HMCN2: variants seen among roughly 807,000 people sequenced by gnomAD.
The protein encoded by HMCN2 is hemicentin 2, also known as hemicentin-2.
Under a neutral mutation model 377.5 loss-of-function variants are expected in HMCN2, and 325 were observed. That is an observed-to-expected ratio of 0.86 (90% CI 0.79 to 0.94). The LOEUF (loss-of-function observed/expected upper bound fraction) is 0.94. HMCN2 is among the 40% of genes least tolerant of loss of function. The pLI is 0.00. For synonymous variants in HMCN2, 2,007 were observed against 2,046.8 expected (o/e 0.98, Z 0.53); for missense variants, 4,543 against 4,725.3 (o/e 0.96, Z 1.13).
chr9:130,388,667 G>T (rs560103733), intron 62 of HMCN2, 127 bp downstream of exon 62: 6 of 464,978 alleles, frequency 1.3e-5, no homozygotes, highest in African/African-American at 2.6e-5. Flanking sequence ...TGGCAGTGCC[G>T]TGTTGCCCCC....
Position 130,356,253 on chromosome 9 carries a change from G to C in HMCN2, c.5421G>C (p.Val1807=), listed in dbSNP as rs1028536587. Residue 1807 remains valine (V), a synonymous_variant, in exon 34 of 98, where the codon GTG becomes GTC. Transcript: ENST00000683500. ...GTAGAEVEVS[V]HEFPSVSIIG... ...CCGGGGCCGAGGTGGAGGTGTCTGT[G>C]CATGGTGAGTGGGCGCCTGGGGTTC... is the stretch of plus-strand genomic sequence containing the variant. 7 of 1,295,672 alleles carry C rather than the reference G, an allele frequency of 5.4e-6. No individual in the cohort carries two copies. In the Admixed American group the frequency reaches 9.4e-5, roughly 17 times the overall value. The allele number at this position is 1,295,672 out of a possible 1,614,324, so 80.3% of individuals were successfully genotyped here.
At position 130,266,123 on chromosome 9, in the gene HMCN2, C is replaced by T. The variant is rs2131191952; in HGVS notation, c.245C>T (p.Pro82Leu). 1 of 467,332 alleles carries T rather than the reference C, an allele frequency of 2.1e-6. No homozygotes were observed. Among genetic ancestry groups the T allele is most frequent in the African/African-American group, 2.0e-5 (1 of 50,148 alleles). The allele number at this position is 467,332 out of a possible 1,614,324, so 28.9% of individuals were successfully genotyped here. ...GCCATCGCCAACTACGCGCTGGTGC[C>T]CTTCCACGACCCAGGTAGCGCCCCC... ...SQAIANYALV[P>L]FHDPDIGPVT... The change falls in exon 1 of 98, where the codon CCC becomes CTC. Residue 82 changes from proline to leucine, a missense_variant. Physicochemically the swap from Pro to Leu is moderately conservative, Grantham distance 98. Transcript: ENST00000683500.
intron 53 of HMCN2, 132 bp from the exon 54 acceptor site, chr9:130,379,117 G>A (rs1841559980): frequency 5.7e-6 from 1 of 176,392 alleles, no homozygotes; most frequent in Non-Finnish European, 1.1e-5. Flanking sequence ...TTTAACAAAT[G>A]CCCTGACCCA....
intron 22 of HMCN2, among the ~76,000 whole-genome samples, chr9:130,336,480 A>T (rs1838752798): frequency 1.3e-5 from 2 of 152,178 alleles, no homozygotes; most frequent in African/African-American, 4.8e-5. Context: ...AGCACAACTG[A>T]TGGCTCTATT....
chr9:130,341,519 G>A (rs1280432663), intron 24 of HMCN2, among the ~76,000 whole-genome samples, 154 bp downstream of exon 24: 2 of 152,192 alleles, frequency 1.3e-5, no homozygotes, highest in Non-Finnish European at 2.9e-5. Flanking sequence ...GGACCTTCCA[G>A]CCCCACAGCT....
chr9:130,424,632 G>A (rs1290630383), intron 87 of HMCN2, 144 bp from the exon 88 acceptor site: 1 of 727,100 alleles, frequency 1.4e-6, no homozygotes, highest in African/African-American at 1.8e-5. Context: ...TAATTGGCAT[G>A]GCAGTCACAA....
intron 14 of HMCN2, 35 bp from the exon 15 acceptor site, chr9:130,309,877 G>T: frequency 2.3e-6 from 1 of 441,462 alleles, no homozygotes; most frequent in South Asian, 1.7e-5. Context: ...TGGTACCAGG[G>T]ACACCGGCCT....
At chr9:130,298,127 T>C (rs1475420178) in intron 7 of HMCN2, among the ~76,000 whole-genome samples, 1 of 152,202 alleles carries the variant, frequency 6.6e-6, no homozygotes, top group African/African-American at 2.4e-5. Flanking sequence ...CTAATTTTTG[T>C]ATTTTTAGTA....
intron 32 of HMCN2, 67 bp downstream of exon 32, chr9:130,355,111 T>C (rs1483991776): frequency 5.1e-6 from 6 of 1,184,012 alleles, no homozygotes; most frequent in Non-Finnish European, 5.4e-6. Context: ...TGCTGCGTGC[T>C]TGTCCCGAGA....
chr9:130,374,477 G>T, intron 48 of HMCN2, 25 bp from the exon 49 acceptor site: 1 of 984,958 alleles, frequency 1.0e-6, no homozygotes, highest in Non-Finnish European at 1.2e-6. Flanking sequence ...CTGCCAAATT[G>T]TCTCATTCTC....
chr9:130,433,678 C>A lies in HMCN2; in HGVS notation c.15225C>A (p.Ser5075=). The change falls in exon 98 of 98, where the codon TCC becomes TCA. Residue 5075 remains serine (S), a synonymous_variant. Transcript: ENST00000683500. ...TCTTCGTCTTGCTCATCGCCGTGTC[C>A]CCCTACCCCTACTAAACGGGAGAGG... is the stretch of plus-strand genomic sequence containing the variant. The part of the protein sequence containing the change: ...QSVFVLLIAV[S]PYPY The A allele has an allele frequency of 6.7e-7, 1 of 1,489,984 alleles. No homozygotes were observed. Among genetic ancestry groups the A allele is most frequent in the Non-Finnish European group, 8.9e-7 (1 of 1,123,734 alleles). The allele number at this position is 1,489,984 out of a possible 1,614,324, so 92.3% of individuals were successfully genotyped here.
chr9:130,418,639 G>A, intron 85 of HMCN2, 133 bp from the exon 86 acceptor site: 1 of 667,720 alleles, frequency 1.5e-6, no homozygotes, highest in Non-Finnish European at 2.2e-6. Context: ...ATGACTGGGT[G>A]GAAGGATCCT....
intron 77 of HMCN2, among the ~76,000 whole-genome samples, chr9:130,401,801 C>T (rs1042658807): frequency 6.6e-6 from 1 of 152,146 alleles, no homozygotes; most frequent in Non-Finnish European, 1.5e-5. Context: ...AGGCCAGGCG[C>T]AGGGACTCAC....
At position 130,394,956 on chromosome 9, in the gene HMCN2, G is replaced by T; in HGVS notation, c.10693-71G>T. 3 of 1,058,592 alleles carry T rather than the reference G, an allele frequency of 2.8e-6. No individual in the cohort carries two copies. Among genetic ancestry groups the T allele is most frequent in the Non-Finnish European group, 3.8e-6 (3 of 799,328 alleles). The allele number at this position is 1,058,592 out of a possible 1,614,324, so 65.6% of individuals were successfully genotyped here. A position where few individuals can be genotyped will look rare whatever the true frequency, so the allele number is the denominator to read the frequency against. On this transcript the variant is annotated intron_variant, in intron 69 of 97. Transcript: ENST00000683500. The surrounding 1 kb of genome is among the most constrained non-coding windows in gnomAD (Gnocchi z 5.1). ...TTGAATCCTGGGTCCCTCGATGCAT[G>T]AGAAAGAAACCAGATTGGGAGGCGG...
intron 81 of HMCN2, 49 bp downstream of exon 81, chr9:130,405,108 C>T (rs1289752729): frequency 8.3e-7 from 1 of 1,203,048 alleles, no homozygotes; most frequent in South Asian, 1.4e-5. Flanking sequence ...GCTGAGACCC[C>T]TGTTTGTCAT....
chr9:130,431,490 A>C lies in HMCN2; in HGVS notation c.14767+4A>C, dbSNP rs1844755939. 6.5e-7 allele frequency: 1 copy of C among 1,548,276 alleles called. No individual in the cohort carries two copies. Among genetic ancestry groups the C allele is most frequent in the Non-Finnish European group, 8.7e-7 (1 of 1,146,612 alleles). The stretch of plus-strand genomic sequence containing the variant: ...CCCAGCGGGAAGAACTGCCAGGGTG[A>C]GCCGGGCTCAGGCCGCCGCCCAAAC... On this transcript the variant is annotated splice_donor_region_variant and intron_variant, in intron 96 of 97. Coordinates refer to ENST00000683500, the MANE Select transcript of HMCN2 (RefSeq NM_001291815.2).
At chr9:130,325,033 G>T (rs1314718967) in intron 19 of HMCN2, among the ~76,000 whole-genome samples, 1 of 151,094 alleles carries the variant, frequency 6.6e-6, no homozygotes, top group African/African-American at 2.4e-5. Flanking sequence ...CCTCTTCATC[G>T]CTTCCTCCCC....
At chr9:130,399,807 C>T (rs939234047) in intron 76 of HMCN2, among the ~76,000 whole-genome samples, 175 bp downstream of exon 76, 8 of 152,350 alleles carry the variant, frequency 5.3e-5, no homozygotes, top group Middle Eastern at 3.4e-3. Context: ...ACCCCAGCTC[C>T]AGCACAGTTC....
intron 85 of HMCN2, among the ~76,000 whole-genome samples, chr9:130,412,567 C>CTTTTTTTTTT (rs55873444): frequency 1.1e-4 from 15 of 134,498 alleles, no homozygotes; most frequent in Non-Finnish European, 2.0e-4. Flanking sequence ...CTTTCTTTCT[C>CTTTTTTTTTT]TTTTTTTTTT....
Sources: allele counts gnomAD v4.1 joint callset (sites outside exome capture counted in the v4.1 genomes callset), GRCh38; gene constraint gnomAD v4.1.1; non-coding constraint Gnocchi (gnomAD v3.1); transcripts MANE v1.5; gene names NCBI Gene and HGNC (gene_info 2026-07-23, HGNC 2026-07-21).